The following PDZRN4 variants were observed in gnomAD, a reference collection of about 807,000 sequenced individuals.
The protein encoded by PDZRN4 is PDZ domain-containing RING finger protein 4.
PDZRN4 carries 70 observed loss-of-function variants against 99.0 expected under a neutral mutation model. The observed-to-expected ratio is 0.71, with a 90% CI of 0.58 to 0.86. The LOEUF (loss-of-function observed/expected upper bound fraction) is 0.86, where lower values mean the gene tolerates loss of function less well. Among genes scored for constraint, PDZRN4 ranks in the 40% least tolerant of loss-of-function variants. The pLI, the probability that PDZRN4 is intolerant of heterozygous loss-of-function variation, is 0.00. For synonymous variants in PDZRN4, 551 were observed against 501.6 expected, an observed-to-expected ratio of 1.10 and a Z score of -1.32; for missense variants, 1,474 against 1,331.2, an observed-to-expected ratio of 1.11 and a Z score of -1.67.
chr12:41,565,045 T>C (rs1343781217), intron 8 of PDZRN4, among the ~76,000 whole-genome samples: 1 of 152,148 alleles, frequency 6.6e-6, no homozygotes, highest in Non-Finnish European at 1.5e-5. Flanking sequence ...TAATGGGCTG[T>C]AGAAATAATA....
At chr12:41,254,276 A>G (rs1186871769) in intron 3 of PDZRN4, among the ~76,000 whole-genome samples, 2 of 152,178 alleles carry the variant, frequency 1.3e-5, no homozygotes, top group East Asian at 3.9e-4. Flanking sequence ...ATTACACTAA[A>G]CACTTTATAT....
chr12:41,292,614 C>T (rs1951463688), intron 3 of PDZRN4, among the ~76,000 whole-genome samples: 1 of 152,114 alleles, frequency 6.6e-6, no homozygotes, highest in Non-Finnish European at 1.5e-5. Context: ...GATATTTATT[C>T]ACTTTTTAAG....
intron 3 of PDZRN4, among the ~76,000 whole-genome samples, chr12:41,439,869 G>A (rs895101048): frequency 2.6e-5 from 4 of 152,096 alleles, no homozygotes; most frequent in Non-Finnish European, 5.9e-5. Context: ...GTTTTCCAAG[G>A]GGAGCCCTCC....
chr12:41,356,037 G>T (rs562477506), intron 3 of PDZRN4, among the ~76,000 whole-genome samples: 2 of 152,056 alleles, frequency 1.3e-5, no homozygotes, highest in East Asian at 1.9e-4. Context: ...TCTGAGAATT[G>T]AACTGACTAA....
intron 3 of PDZRN4, among the ~76,000 whole-genome samples, chr12:41,424,831 G>A (rs978138111): frequency 1.3e-5 from 2 of 152,140 alleles, no homozygotes; most frequent in African/African-American, 2.4e-5. Context: ...CCTGGAGTGA[G>A]TGGAGAGAAA....
At chr12:41,316,798 C>T (rs996060359) in intron 3 of PDZRN4, among the ~76,000 whole-genome samples, 5 of 151,488 alleles carry the variant, frequency 3.3e-5, no homozygotes, top group African/African-American at 1.2e-4. Context: ...AATTCTGATA[C>T]TTTCAGTCAT....
At chr12:41,441,155 C>T (rs1429432938) in intron 3 of PDZRN4, among the ~76,000 whole-genome samples, 2 of 152,062 alleles carry the variant, frequency 1.3e-5, no homozygotes, top group African/African-American at 4.8e-5. Flanking sequence ...TTTAGAAGAC[C>T]ATACTATTAA....
chr12:41,566,935 C>T (rs1307702519), intron 8 of PDZRN4, among the ~76,000 whole-genome samples: 1 of 152,134 alleles, frequency 6.6e-6, no homozygotes, highest in Non-Finnish European at 1.5e-5. Flanking sequence ...TAGTAACTGT[C>T]AACACTGATC....
At chr12:41,515,366 T>G (rs1938383602) in intron 5 of PDZRN4, among the ~76,000 whole-genome samples, 1 of 152,004 alleles carries the variant, frequency 6.6e-6, no homozygotes, top group Non-Finnish European at 1.5e-5. Flanking sequence ...TTAGTCACAT[T>G]TTAGAATCAT....
chr12:41,477,563 C>A (rs1937614125), intron 3 of PDZRN4, among the ~76,000 whole-genome samples: 1 of 152,118 alleles, frequency 6.6e-6, no homozygotes, highest in South Asian at 2.1e-4. Context: ...TATTTTAATT[C>A]CTTTTGTTTA....
At chr12:41,344,894 G>C (rs10880047) in intron 3 of PDZRN4, among the ~76,000 whole-genome samples, 58,315 of 151,540 alleles carry the variant, frequency 0.38, 11,300 homozygotes, top group African/African-American at 0.41. Flanking sequence ...GTACTGAAAT[G>C]TAATCAGATG....
At chr12:41,400,517 T>G (rs1952281924) in intron 3 of PDZRN4, among the ~76,000 whole-genome samples, 1 of 151,950 alleles carries the variant, frequency 6.6e-6, no homozygotes, top group South Asian at 2.1e-4. Context: ...TGGGTTTGGG[T>G]TTTTTTTCTT....
chr12:41,475,008 A>G (rs1372877496), intron 3 of PDZRN4, among the ~76,000 whole-genome samples: 2 of 152,194 alleles, frequency 1.3e-5, no homozygotes, highest in African/African-American at 4.8e-5. Flanking sequence ...CTGGACATAG[A>G]TACCTGAATT....
intron 2 of PDZRN4, among the ~76,000 whole-genome samples, chr12:41,193,665 C>G (rs1171193193): frequency 6.6e-5 from 10 of 152,224 alleles, no homozygotes. Flanking sequence ...CATTTCTAAA[C>G]TCTACCACAT....
At chr12:41,215,128 A>G (rs997052824) in intron 3 of PDZRN4, among the ~76,000 whole-genome samples, 5 of 152,042 alleles carry the variant, frequency 3.3e-5, no homozygotes, top group African/African-American at 1.2e-4. Context: ...CCTGACCAAA[A>G]TGTTCCACAT....
chr12:41,567,239 A>G (rs1050369777), intron 8 of PDZRN4, among the ~76,000 whole-genome samples: 1 of 152,186 alleles, frequency 6.6e-6, no homozygotes, highest in Non-Finnish European at 1.5e-5. Flanking sequence ...TCCTTTCTTC[A>G]CAGACAAAAT....
At chr12:41,423,149 CT>C (rs112561141) in intron 3 of PDZRN4, among the ~76,000 whole-genome samples, 5,116 of 151,536 alleles carry the variant, frequency 0.034, 239 homozygotes, top group African/African-American at 0.1. Context: ...TTTGCTGAAA[CT>C]TTTTTTTTAT....
At chr12:41,248,841 G>T (rs1951150419) in intron 3 of PDZRN4, among the ~76,000 whole-genome samples, 1 of 152,054 alleles carries the variant, frequency 6.6e-6, no homozygotes, top group Non-Finnish European at 1.5e-5. Context: ...CAGATTATTT[G>T]CTTGGCGTAA....
chr12:41,284,763 T>C (rs2120893666), intron 3 of PDZRN4, among the ~76,000 whole-genome samples: 1 of 152,292 alleles, frequency 6.6e-6, no homozygotes, highest in South Asian at 2.1e-4. Flanking sequence ...AGGGAAAGGA[T>C]TCCATGTTTA....
Sources: gnomAD v4.1 joint callset for allele counts (sites outside exome capture counted in the v4.1 genomes callset) on GRCh38, gnomAD v4.1.1 for gene constraint, MANE v1.5 for transcripts, NCBI Gene and HGNC (gene_info 2026-07-23, HGNC 2026-07-21) for gene names.